PDCD11: variants seen among roughly 807,000 people sequenced by gnomAD.
PDCD11 encodes the protein protein RRP5 homolog.
In PDCD11, 97 loss-of-function variants were observed where a neutral mutation model predicts 198.9. The ratio of observed to expected loss-of-function variants is 0.49; its 90% confidence interval spans 0.41 to 0.58. The LOEUF is 0.58. Among genes scored for constraint, PDCD11 ranks in the 20% least tolerant of loss-of-function variants. The probability of loss-of-function intolerance (pLI) is 0.00; values close to 1 mark genes in which losing one functional copy is unlikely to be tolerated. For synonymous variants in PDCD11, 893 were observed against 918.0 expected, an observed-to-expected ratio of 0.97 and a Z score of 0.49; for missense variants, 2,102 against 2,312.7, an observed-to-expected ratio of 0.91 and a Z score of 1.87.
chr10:103,411,879 T>C (rs1430564703), intron 8 of PDCD11, among the ~76,000 whole-genome samples: 2 of 152,222 alleles, frequency 1.3e-5, no homozygotes, highest in Non-Finnish European at 2.9e-5. Context: ...GAGCCTTGGA[T>C]GCAGTGACAC....
rs2032362235 is a variant in PDCD11 at position 103,440,949 on chromosome 10, A to G, written c.4557+99A>G. The G allele has an allele frequency of 2.1e-5, 18 of 851,918 alleles. No homozygotes were observed. In the South Asian group the frequency reaches 3.0e-4, roughly 14 times the overall value. 52.8% of individuals were successfully genotyped at this position (851,918 alleles called of 1,614,324 possible). A position where few individuals can be genotyped will look rare whatever the true frequency, so the allele number is the denominator to read the frequency against. ...TCTTTTACTTCATTTCCTATAAAAT[A>G]CGAAAGCAGGGGCTGTCAGTTGCCT... On this transcript the variant is annotated intron_variant, in intron 30 of 35. Coordinates refer to ENST00000369797, the MANE Select transcript of PDCD11 (RefSeq NM_014976.2).
At chr10:103,398,635 C>G in intron 2 of PDCD11, 107 bp downstream of exon 2, 1 of 732,808 alleles carries the variant, frequency 1.4e-6, no homozygotes, top group South Asian at 1.6e-5. Context: ...ATTTTTTTTG[C>G]ATTGAAGTCT....
At chr10:103,430,946 C>T (rs1259632295) in intron 21 of PDCD11, among the ~76,000 whole-genome samples, 34 of 151,982 alleles carry the variant, frequency 2.2e-4, no homozygotes, top group Admixed American at 2.2e-3. Flanking sequence ...TTACAAGCGC[C>T]CACGACCACG....
intron 32 of PDCD11, among the ~76,000 whole-genome samples, chr10:103,442,703 C>T (rs1001406139): frequency 7.9e-5 from 12 of 152,202 alleles, no homozygotes; most frequent in African/African-American, 2.9e-4. Flanking sequence ...AGTCCATACA[C>T]TTATATGAGG....
At chr10:103,407,279 TC>T (rs1407193191) in intron 7 of PDCD11, among the ~76,000 whole-genome samples, 1 of 152,144 alleles carries the variant, frequency 6.6e-6, no homozygotes, top group East Asian at 1.9e-4. Flanking sequence ...GATTTTGGTC[TC>T]TCTTTTTTTA....
At position 103,434,345 on chromosome 10, in the gene PDCD11, T is replaced by A; in HGVS notation, c.3662T>A (p.Leu1221His). The change falls in exon 24 of 36, where the codon CTC becomes CAC. Residue 1221 changes from leucine (L) to histidine (H), a missense_variant. Leu to His is a moderately conservative substitution (Grantham distance 99). Transcript: ENST00000369797. ...TCCAAGACCCTCTTATGTCTGTCCCTCACAGGTGTGGGGATGAAACAGTGC... is the reference window on the plus strand; with the variant it reads ...TCCAAGACCCTCTTATGTCTGTCCCACACAGGTGTGGGGATGAAACAGTGC... ...DSSKTLLCLS[L>H]TGPHKLEEGE... is the part of the protein sequence containing the mutation. 2 of 1,594,140 alleles carry A rather than the reference T, an allele frequency of 1.3e-6. No homozygotes were observed. The highest frequency in any genetic ancestry group is 1.7e-6 in the Non-Finnish European group (2 of 1,161,978).
At chr10:103,433,242 CCCAG>C (rs2032008685) in intron 22 of PDCD11, among the ~76,000 whole-genome samples, 1 of 152,154 alleles carries the variant, frequency 6.6e-6, no homozygotes, top group African/African-American at 2.4e-5. Flanking sequence ...CGCCTGTAAT[CCCAG>C]CACTTTGGGA....
At chr10:103,426,125 A>G (rs1211357508) in intron 20 of PDCD11, among the ~76,000 whole-genome samples, 1 of 152,192 alleles carries the variant, frequency 6.6e-6, no homozygotes, top group East Asian at 1.9e-4. Flanking sequence ...GGTAGCGACT[A>G]CTTTGTAGGG....
At position 103,417,719 on chromosome 10, in the gene PDCD11, A is replaced by G. The variant is rs965212991; in HGVS notation, c.1771-73A>G. ...GATCTCCCAAGTCCTCTGCAGCAGTAGTGGAGGGCACGTTGCAGGGCCTGC... is the reference window on the plus strand; with the variant it reads ...GATCTCCCAAGTCCTCTGCAGCAGTGGTGGAGGGCACGTTGCAGGGCCTGC... On this transcript the variant is annotated intron_variant, in intron 13 of 35. Coordinates refer to ENST00000369797, the MANE Select transcript of PDCD11 (RefSeq NM_014976.2). 1.4e-5 allele frequency: 21 copies of G among 1,507,458 alleles called. No homozygotes were observed. The African/African-American group carries it at 2.9e-4, about 21-fold the overall frequency. 93.4% of individuals were successfully genotyped at this position (1,507,458 alleles called of 1,614,324 possible). A position where few individuals can be genotyped will look rare whatever the true frequency, so the allele number is the denominator to read the frequency against.
chr10:103,436,015 G>A (rs2032137867), intron 25 of PDCD11, among the ~76,000 whole-genome samples: 1 of 150,766 alleles, frequency 6.6e-6, no homozygotes, highest in Non-Finnish European at 1.5e-5. Flanking sequence ...GCAAAAATTG[G>A]TCTCTTGTTT....
At chr10:103,410,265 A>G (rs2030716176) in intron 8 of PDCD11, among the ~76,000 whole-genome samples, 1 of 152,064 alleles carries the variant, frequency 6.6e-6, no homozygotes. Context: ...TATGGAAGGA[A>G]AGTAAGAAAC....
intron 6 of PDCD11, among the ~76,000 whole-genome samples, 164 bp from the exon 7 acceptor site, chr10:103,406,445 G>A (rs552311351): frequency 2.6e-5 from 4 of 152,272 alleles, no homozygotes; most frequent in South Asian, 2.1e-4. Flanking sequence ...GGATAACTTC[G>A]TTTCCTTCTT....
rs368337652 is a variant in PDCD11, at chr10:103,398,398, C to T, written c.-11-18C>T. 1.4e-5 allele frequency: 20 copies of T among 1,431,212 alleles called. No individual in the cohort carries two copies. The highest frequency in any genetic ancestry group is 1.4e-4 in the East Asian group (6 of 44,048). 88.7% of individuals were successfully genotyped at this position (1,431,212 alleles called of 1,614,324 possible). A position where few individuals can be genotyped will look rare whatever the true frequency, so the allele number is the denominator to read the frequency against. The stretch of plus-strand genomic sequence containing the variant: ...TACCAAGACAACATGTCACCATTAT[C>T]CTTTGCATTGTTTTTAGGAGACCCA... On this transcript the variant is annotated intron_variant, in intron 1 of 35. Transcript: ENST00000369797.
At chr10:103,443,612 C>A (rs938969048) in intron 33 of PDCD11, among the ~76,000 whole-genome samples, 1 of 152,184 alleles carries the variant, frequency 6.6e-6, no homozygotes, top group Non-Finnish European at 1.5e-5. Context: ...CAGAAGGGGA[C>A]GTCCCGGCCC....
rs756725691 is a variant in PDCD11 at position 103,413,079 on chromosome 10, G to C, written c.979-37G>C. On this transcript the variant is annotated intron_variant, in intron 8 of 35. Transcript: ENST00000369797. ...GGTCTGCTCTAGGGTGCTCCTGTGTGCCTCCTCCTGCTCACCCTGCCCTTC... is the reference window on the plus strand; with the variant it reads ...GGTCTGCTCTAGGGTGCTCCTGTGTCCCTCCTCCTGCTCACCCTGCCCTTC... 4 of 1,563,830 alleles carry C rather than the reference G, an allele frequency of 2.6e-6. No homozygotes were observed. The East Asian group carries it at 9.0e-5, about 35-fold the overall frequency.
intron 25 of PDCD11, among the ~76,000 whole-genome samples, chr10:103,435,612 A>G (rs1365142002): frequency 1.3e-5 from 2 of 152,018 alleles, no homozygotes; most frequent in African/African-American, 4.8e-5. Context: ...TCCCAAGTTC[A>G]AGCAATTCTC....
chr10:103,415,793 G>A (rs536801354), intron 12 of PDCD11, among the ~76,000 whole-genome samples: 1 of 152,324 alleles, frequency 6.6e-6, no homozygotes, highest in Admixed American at 6.5e-5. Context: ...CACAGAAATA[G>A]CCCTGGCAAA....
chr10:103,436,487 T>C lies in PDCD11; in HGVS notation c.3845+1512T>C, dbSNP rs1042034418. Among the ~76,000 whole-genome samples, 10 of 152,214 alleles carry C rather than the reference T, an allele frequency of 6.6e-5. No homozygotes were observed. In the South Asian group the frequency reaches 1.9e-3, roughly 28 times the overall value. On this transcript the variant is annotated intron_variant, in intron 25 of 35. Coordinates refer to ENST00000369797, the MANE Select transcript of PDCD11 (RefSeq NM_014976.2). The stretch of plus-strand genomic sequence containing the variant: ...CAACTGACAGTACAGTAGATGCCCT[T>C]GGAGGCAGAGACTGGAAAATAGTAA...
intron 14 of PDCD11, 27 bp from the exon 15 acceptor site, chr10:103,418,413 A>G (rs770347351): frequency 1.3e-6 from 2 of 1,588,128 alleles, no homozygotes; most frequent in Non-Finnish European, 1.7e-6. Flanking sequence ...GACAAGTGCT[A>G]TTTTTGTCTT....
Sources: allele counts gnomAD v4.1 joint callset (sites outside exome capture counted in the v4.1 genomes callset), GRCh38; gene constraint gnomAD v4.1.1; transcripts MANE v1.5; gene names NCBI Gene and HGNC (gene_info 2026-07-23, HGNC 2026-07-21).